PIP5K1B: variants seen among roughly 807,000 people sequenced by gnomAD.
The protein encoded by PIP5K1B is phosphatidylinositol-4-phosphate 5-kinase type 1 beta.
Under a neutral mutation model 67.0 loss-of-function variants are expected in PIP5K1B, and 42 were observed. The ratio of observed to expected loss-of-function variants is 0.63; its 90% CI spans 0.49 to 0.81. PIP5K1B has a LOEUF of 0.81. Among genes scored for constraint, PIP5K1B ranks in the 30% least tolerant of loss-of-function variants. PIP5K1B has a pLI of 0.00. For missense variants in PIP5K1B, 459 were observed against 646.3 expected (o/e 0.71, Z 3.14); for synonymous variants, 214 against 231.4 (o/e 0.92, Z 0.68).
chr9:68,724,558 T>C (rs557239723), intron 1 of PIP5K1B, among the ~76,000 whole-genome samples: 1 of 152,144 alleles, frequency 6.6e-6, no homozygotes, highest in East Asian at 1.9e-4. Flanking sequence ...TCTTCCAATC[T>C]CTGAGCATGA....
intron 2 of PIP5K1B, among the ~76,000 whole-genome samples, chr9:68,808,727 A>G (rs1438811953): frequency 6.6e-6 from 1 of 152,136 alleles, no homozygotes; most frequent in East Asian, 1.9e-4. Context: ...CTGTTTATTC[A>G]CTTTGGGAGA....
intron 4 of PIP5K1B, among the ~76,000 whole-genome samples, chr9:68,848,594 A>G (rs982455518): frequency 1.3e-5 from 2 of 152,220 alleles, no homozygotes; most frequent in Non-Finnish European, 2.9e-5. Flanking sequence ...TAAATGAAAA[A>G]GGCTAGAGAA....
rs764194229 is a variant in PIP5K1B at position 68,934,934 on chromosome 9, G to T, written c.1246G>T (p.Ala416Ser). 1.2e-6 allele frequency: 2 copies of T among 1,612,626 alleles called. No homozygotes were observed. Among genetic ancestry groups the T allele is most frequent in the South Asian group, 1.1e-5 (1 of 90,890 alleles). Residue 416 changes from alanine (A) to serine (S), a missense_variant, in exon 13 of 16, where the codon GCC becomes TCC. Ala to Ser is a moderately conservative substitution (Grantham distance 99). Around this residue, in one of 2 missense-constraint regions of PIP5K1B, gnomAD observed 169 missense variants for 171.9 expected, o/e 0.98. Transcript: ENST00000265382. ...TAAGAAACGGTGCAATTCAATCGCCGCCCTAAAGGCCACTTCACAGGAGAT... is the reference window on the plus strand; with the variant it reads ...TAAGAAACGGTGCAATTCAATCGCCTCCCTAAAGGCCACTTCACAGGAGAT... The part of the protein sequence containing the change: ...PSKKRCNSIA[A>S]LKATSQEIVS...
At chr9:68,864,936 A>G (rs1372947489) in intron 5 of PIP5K1B, among the ~76,000 whole-genome samples, 1 of 151,104 alleles carries the variant, frequency 6.6e-6, no homozygotes, top group Non-Finnish European at 1.5e-5. Context: ...TTAAAAATCT[A>G]TATGTATCTT....
intron 8 of PIP5K1B, among the ~76,000 whole-genome samples, chr9:68,905,959 T>G (rs1024244253): frequency 2.0e-5 from 3 of 152,210 alleles, no homozygotes; most frequent in African/African-American, 7.2e-5. Flanking sequence ...CCTTCTACCC[T>G]GCAACTGAGT....
At chr9:68,859,840 T>A (rs1005142706) in intron 4 of PIP5K1B, among the ~76,000 whole-genome samples, 3 of 152,220 alleles carry the variant, frequency 2.0e-5, no homozygotes, top group Admixed American at 6.5e-5. Context: ...TCAAAGTACA[T>A]CTGGCTTAAT....
At chr9:68,974,460 G>A (rs1280479017) in intron 14 of PIP5K1B, among the ~76,000 whole-genome samples, 1 of 152,204 alleles carries the variant, frequency 6.6e-6, no homozygotes, top group African/African-American at 2.4e-5. Flanking sequence ...TATAGGAAGG[G>A]TTTGGGTATA....
intron 12 of PIP5K1B, among the ~76,000 whole-genome samples, chr9:68,926,680 T>A (rs1826722229): frequency 6.6e-6 from 1 of 152,170 alleles, no homozygotes; most frequent in Non-Finnish European, 1.5e-5. Flanking sequence ...CAAGTGATTC[T>A]CCTTTCTTAG....
intron 14 of PIP5K1B, among the ~76,000 whole-genome samples, chr9:68,966,235 G>C (rs1352841386): frequency 6.6e-6 from 1 of 152,088 alleles, no homozygotes; most frequent in Non-Finnish European, 1.5e-5. Context: ...ACTGTATGTA[G>C]CTACTCCACC....
chr9:68,803,637 C>T (rs1034602997), intron 2 of PIP5K1B, among the ~76,000 whole-genome samples: 2 of 152,220 alleles, frequency 1.3e-5, no homozygotes, highest in Non-Finnish European at 2.9e-5. Context: ...ACTGAGTTTG[C>T]CTCTAACAAG....
At chr9:68,857,701 A>G (rs145949883) in intron 4 of PIP5K1B, among the ~76,000 whole-genome samples, 26 of 152,198 alleles carry the variant, frequency 1.7e-4, no homozygotes, top group African/African-American at 5.1e-4. Flanking sequence ...CCCTATCCCA[A>G]CAAAAAATTG....
At chr9:68,889,173 T>A in intron 7 of PIP5K1B, 40 bp downstream of exon 7, 1 of 1,509,852 alleles carries the variant, frequency 6.6e-7, no homozygotes, top group Non-Finnish European at 9.1e-7. Flanking sequence ...ACTTGAAGTT[T>A]AATTACTTTC....
At chr9:68,939,831 T>C (rs1006123113) in intron 13 of PIP5K1B, among the ~76,000 whole-genome samples, 18 of 152,334 alleles carry the variant, frequency 1.2e-4, no homozygotes, top group Admixed American at 3.9e-4. Context: ...TAATTTTGAA[T>C]TTGTTGTGCC....
intron 1 of PIP5K1B, chr9:68,707,681 G>A (rs777898884): frequency 6.6e-6 from 1 of 152,126 alleles, no homozygotes; most frequent in Non-Finnish European, 1.5e-5. Flanking sequence ...TGCAAGACTA[G>A]AACTTGGATC....
chr9:68,751,668 G>A (rs1034802310), intron 2 of PIP5K1B, among the ~76,000 whole-genome samples: 1 of 152,194 alleles, frequency 6.6e-6, no homozygotes, highest in African/African-American at 2.4e-5. Flanking sequence ...AATGATTTTA[G>A]AATAGAATGA....
chr9:68,899,578 G>C (rs1825262205), intron 8 of PIP5K1B, among the ~76,000 whole-genome samples: 1 of 152,304 alleles, frequency 6.6e-6, no homozygotes, highest in Admixed American at 6.5e-5. Context: ...TCACTGCAAT[G>C]CCTGCCAAAA....
intron 8 of PIP5K1B, among the ~76,000 whole-genome samples, chr9:68,900,274 G>A (rs919679190): frequency 6.6e-6 from 1 of 152,092 alleles, no homozygotes; most frequent in Non-Finnish European, 1.5e-5. Context: ...TCTCTCCAGC[G>A]AGACTTTAAA....
At chr9:68,951,615 A>T (rs1334270878) in intron 14 of PIP5K1B, among the ~76,000 whole-genome samples, 2 of 152,212 alleles carry the variant, frequency 1.3e-5, no homozygotes, top group African/African-American at 4.8e-5. Context: ...CCTAAGTGGT[A>T]AAACTCATCC....
chr9:68,923,177 T>C (rs1826497908), intron 11 of PIP5K1B, 125 bp from the exon 12 acceptor site: 6 of 692,290 alleles, frequency 8.7e-6, no homozygotes, highest in Non-Finnish European at 1.5e-5. Context: ...ATTCCTGTTT[T>C]CTATCTCTGG....
Sources: gnomAD v4.1 joint callset for allele counts (sites outside exome capture counted in the v4.1 genomes callset) on GRCh38, gnomAD v4.1.1 for gene constraint, gnomAD v4.1.1 regional missense constraint, MANE v1.5 for transcripts, NCBI Gene and HGNC (gene_info 2026-07-23, HGNC 2026-07-21) for gene names.